Variants in TRAF3 observed in about 807,000 individuals in gnomAD.
The protein encoded by TRAF3 is TNF receptor associated factor 3, also known as TNF receptor-associated factor 3.
Under a neutral mutation model 62.3 loss-of-function variants are expected in TRAF3, and 13 were observed. That is an observed-to-expected ratio of 0.21 (90% CI 0.14 to 0.33). TRAF3 has a LOEUF of 0.33. Among genes scored for constraint, TRAF3 ranks in the 10% least tolerant of loss-of-function variants. The pLI, the probability that TRAF3 is intolerant of heterozygous loss-of-function variation, is 1.00. For synonymous variants in TRAF3, 269 were observed against 283.4 expected, an observed-to-expected ratio of 0.95 and a Z score of 0.51; for missense variants, 440 against 741.8, an observed-to-expected ratio of 0.59 and a Z score of 4.73.
chr14:102,858,953 C>G (rs1887535023), intron 2 of TRAF3, among the ~76,000 whole-genome samples: 1 of 152,098 alleles, frequency 6.6e-6, no homozygotes, highest in Non-Finnish European at 1.5e-5. Flanking sequence ...TTCTTATAAA[C>G]CTTTTATAAC....
intron 1 of TRAF3, chr14:102,809,120 G>C (rs1898958355): frequency 6.6e-6 from 1 of 152,386 alleles, no homozygotes; most frequent in South Asian, 2.1e-4. Flanking sequence ...CCAAGTAGCT[G>C]GGACTACAGG....
At chr14:102,846,359 GCAA>G (rs1208384678) in intron 2 of TRAF3, among the ~76,000 whole-genome samples, 2 of 152,054 alleles carry the variant, frequency 1.3e-5, no homozygotes, top group African/African-American at 4.8e-5. Context: ...TACAGACACA[GCAA>G]CAACAAAAAA....
intron 1 of TRAF3, among the ~76,000 whole-genome samples, chr14:102,779,269 C>CTTTTTTTTTTTTTTTTTTT (rs61309052): frequency 1.6e-5 from 2 of 123,456 alleles, no homozygotes; most frequent in African/African-American, 3.5e-5. Flanking sequence ...AGAATTCCAG[C>CTTTTTTTTTTTTTTTTTTT]TTTTTTTTTT....
chr14:102,784,024 G>A (rs1037502070), intron 1 of TRAF3, among the ~76,000 whole-genome samples: 1 of 152,190 alleles, frequency 6.6e-6, no homozygotes, highest in Non-Finnish European at 1.5e-5. Context: ...ATCAGATCTT[G>A]TTAGTTAGGG....
At chr14:102,871,416 C>T (rs796611175) in intron 3 of TRAF3, among the ~76,000 whole-genome samples, 36 of 152,306 alleles carry the variant, frequency 2.4e-4, no homozygotes, top group African/African-American at 8.4e-4. Context: ...AGAAGCTTCC[C>T]GGTGGAGGAG....
intron 2 of TRAF3, among the ~76,000 whole-genome samples, chr14:102,834,427 G>A (rs183988551): frequency 5.9e-5 from 9 of 151,602 alleles, no homozygotes; most frequent in Non-Finnish European, 8.8e-5. Flanking sequence ...GGCTGGGCGC[G>A]GTGGCTCACG....
intron 1 of TRAF3, among the ~76,000 whole-genome samples, chr14:102,827,063 A>G (rs1330357400): frequency 1.3e-5 from 2 of 152,182 alleles, no homozygotes. Flanking sequence ...GACCTCCCGC[A>G]CCTGCTGAGG....
chr14:102,818,378 T>C (rs762716855), intron 1 of TRAF3, among the ~76,000 whole-genome samples: 2 of 152,218 alleles, frequency 1.3e-5, no homozygotes, highest in Non-Finnish European at 2.9e-5. Context: ...AGTAGAAAGC[T>C]CTGTGAAGTT....
At chr14:102,887,305 A>T (rs1458346114) in intron 7 of TRAF3, among the ~76,000 whole-genome samples, 2 of 152,192 alleles carry the variant, frequency 1.3e-5, no homozygotes, top group Non-Finnish European at 2.9e-5. Flanking sequence ...ACCACTGGAT[A>T]CTGGGTAACA....
chr14:102,794,998 A>T (rs1897994092), intron 1 of TRAF3, among the ~76,000 whole-genome samples: 1 of 152,160 alleles, frequency 6.6e-6, no homozygotes, highest in Non-Finnish European at 1.5e-5. Flanking sequence ...TGGGGTTTTA[A>T]TATTTCTCTC....
chr14:102,865,293 C>T (rs771000483), intron 2 of TRAF3, among the ~76,000 whole-genome samples: 2 of 152,008 alleles, frequency 1.3e-5, no homozygotes, highest in African/African-American at 2.4e-5. Flanking sequence ...GCTCAGGGTT[C>T]GTGTCATTTC....
chr14:102,861,521 C>G (rs1887677844), intron 2 of TRAF3, among the ~76,000 whole-genome samples: 1 of 152,138 alleles, frequency 6.6e-6, no homozygotes, highest in Admixed American at 6.6e-5. Context: ...CATCCTTTAC[C>G]CAGGTAACTG....
chr14:102,819,581 T>C (rs1252172635), intron 1 of TRAF3, among the ~76,000 whole-genome samples: 1 of 152,260 alleles, frequency 6.6e-6, no homozygotes, highest in Non-Finnish European at 1.5e-5. Context: ...TTCCTGCTGC[T>C]CATTTACATC....
chr14:102,891,276 T>C, intron 8 of TRAF3, 49 bp from the exon 9 acceptor site: 1 of 1,569,148 alleles, frequency 6.4e-7, no homozygotes, highest in Non-Finnish European at 8.7e-7. Context: ...GTTCTGCCCT[T>C]TGAAATGCAG....
chr14:102,878,106 A>G (rs566341247), intron 6 of TRAF3, among the ~76,000 whole-genome samples: 1 of 152,358 alleles, frequency 6.6e-6, no homozygotes, highest in South Asian at 2.1e-4. Flanking sequence ...ATGTCAAAAA[A>G]TGAATAGTTA....
intron 1 of TRAF3, among the ~76,000 whole-genome samples, chr14:102,796,537 G>T (rs943856468): frequency 2.0e-5 from 3 of 152,192 alleles, no homozygotes; most frequent in African/African-American, 4.8e-5. Context: ...AAGTGGGGAT[G>T]GGGGGTGGAC....
rs1048439661 is a variant in TRAF3 at position 102,826,358 on chromosome 14, C to T, written c.-156-3976C>T. Among the ~76,000 whole-genome samples, 4 of 152,168 alleles carry T rather than the reference C, an allele frequency of 2.6e-5. No individual in the cohort carries two copies. Among genetic ancestry groups the T allele is most frequent in the Admixed American group, 6.5e-5 (1 of 15,282 alleles). ...CAGGAATGTGGCAGCAGAAGGAACA[C>T]GTTGAGCACCGCAGATACCACCCTG... is the stretch of plus-strand genomic sequence containing the variant. On this transcript the variant is annotated intron_variant, in intron 1 of 11. Coordinates refer to ENST00000392745, the MANE Select transcript of TRAF3 (RefSeq NM_145725.3). The surrounding 1 kb of genome is among the most constrained non-coding windows in gnomAD (Gnocchi z 4.6).
chr14:102,872,438 C>T (rs1189002720), intron 4 of TRAF3, among the ~76,000 whole-genome samples: 1 of 152,170 alleles, frequency 6.6e-6, no homozygotes, highest in East Asian at 1.9e-4. Context: ...CCCCCAGGCC[C>T]CCTGTGATAT....
At chr14:102,881,854 G>A (rs531619283) in intron 6 of TRAF3, among the ~76,000 whole-genome samples, 3 of 152,266 alleles carry the variant, frequency 2.0e-5, no homozygotes, top group Admixed American at 6.5e-5. Context: ...GAATCGTAGC[G>A]TATGTCTGTT....
Sources: gnomAD v4.1 joint callset for allele counts (sites outside exome capture counted in the v4.1 genomes callset) on GRCh38, gnomAD v4.1.1 for gene constraint, Gnocchi (gnomAD v3.1) non-coding constraint, MANE v1.5 for transcripts, NCBI Gene and HGNC (gene_info 2026-07-23, HGNC 2026-07-21) for gene names.